The following LRP1B variants were observed in gnomAD, a reference collection of about 807,000 sequenced individuals.
The protein encoded by LRP1B is low-density lipoprotein receptor-related protein 1B.
Under a neutral mutation model 556.6 loss-of-function variants are expected in LRP1B, and 217 were observed. The observed-to-expected ratio is 0.39, with a 90% CI of 0.35 to 0.44. The LOEUF (loss-of-function observed/expected upper bound fraction) is 0.44, where lower values mean the gene tolerates loss of function less well. LRP1B is among the 20% of genes least tolerant of loss of function. The probability of loss-of-function intolerance (pLI) is 1.00; values close to 1 mark genes in which losing one functional copy is unlikely to be tolerated. For missense variants in LRP1B, 5,053 were observed against 5,620.8 expected (o/e 0.90, Z 3.23); for synonymous variants, 2,047 against 1,865.8 (o/e 1.10, Z -2.50).
intron 1 of LRP1B, among the ~76,000 whole-genome samples, chr2:141,921,496 C>G (rs778243128): frequency 1.3e-5 from 2 of 151,916 alleles, no homozygotes; most frequent in Non-Finnish European, 2.9e-5. Flanking sequence ...TATATATTCA[C>G]ATAATGAAAA....
At position 141,761,228 on chromosome 2, in the gene LRP1B, AT is replaced by A. The variant is rs963090408; in HGVS notation, c.205+49050del. 1.8e-3 allele frequency among the ~76,000 whole-genome samples: 278 copies of A among 151,942 alleles called. 1 individual carries two copies. The highest frequency in any genetic ancestry group is 5.9e-3 in the African/African-American group (243 of 41,480). On this transcript the variant is annotated intron_variant, in intron 2 of 90. Coordinates refer to ENST00000389484, the MANE Select transcript of LRP1B (RefSeq NM_018557.3). ...AATTTCTGGCACCTGAGTGAAAACTATTTTTTTTCCATTAAATCTGGTCAGT... is the reference window on the plus strand; with the variant it reads ...AATTTCTGGCACCTGAGTGAAAACTATTTTTTTCCATTAAATCTGGTCAGT...
At chr2:141,838,466 G>A in intron 1 of LRP1B, among the ~76,000 whole-genome samples, 1 of 152,098 alleles carries the variant, frequency 6.6e-6, no homozygotes, top group East Asian at 1.9e-4. Context: ...ACTGAACTAT[G>A]ATAACTAGGA....
chr2:141,863,922 C>G (rs1390681575), intron 1 of LRP1B, among the ~76,000 whole-genome samples: 1 of 152,028 alleles, frequency 6.6e-6, no homozygotes, highest in Non-Finnish European at 1.5e-5. Context: ...TCAAAATATT[C>G]TAACACAATA....
intron 1 of LRP1B, among the ~76,000 whole-genome samples, chr2:141,983,790 G>A (rs577518421): frequency 6.6e-6 from 1 of 152,302 alleles, no homozygotes; most frequent in South Asian, 2.1e-4. Context: ...GCTGGGCGTG[G>A]TGGCTCACGC....
In LRP1B at chr2:140,502,964, T is replaced by C. The variant is rs1465867790; in HGVS notation, c.8661A>G (p.Ala2887=). 1 of 1,612,870 alleles carries C rather than the reference T, an allele frequency of 6.2e-7. No individual in the cohort carries two copies. Among genetic ancestry groups the C allele is most frequent in the Non-Finnish European group, 8.5e-7 (1 of 1,179,050 alleles). Residue 2887 remains alanine (A), a splice_region_variant and synonymous_variant, in exon 54 of 91, where the codon GCA becomes GCG. Transcript: ENST00000389484. ...GCGGTATTGTATATATTTCTGTACC[T>C]GCACTTTTACACTTTGGGTTTAAAG... The part of the protein sequence containing the change: ...EAPLNPKCKS[A]EQSCNSSFFM...
intron 35 of LRP1B, among the ~76,000 whole-genome samples, chr2:140,726,310 T>C (rs1574286709): frequency 6.6e-6 from 1 of 152,268 alleles, no homozygotes; most frequent in Non-Finnish European, 1.5e-5. Context: ...GGGAAGTCTT[T>C]AACTTGCTTA....
intron 1 of LRP1B, among the ~76,000 whole-genome samples, chr2:142,062,449 T>C (rs1481964282): frequency 1.3e-5 from 2 of 151,770 alleles, no homozygotes. Context: ...ATCCCATTCA[T>C]TTCTAAAAAG....
intron 1 of LRP1B, among the ~76,000 whole-genome samples, chr2:142,052,169 T>C (rs1008466485): frequency 1.3e-5 from 2 of 151,766 alleles, no homozygotes; most frequent in Non-Finnish European, 2.9e-5. Context: ...CTCATGATTA[T>C]GGCAAGTTAA....
intron 25 of LRP1B, among the ~76,000 whole-genome samples, chr2:140,879,416 A>G (rs1346804792): frequency 1.3e-5 from 2 of 152,170 alleles, no homozygotes; most frequent in Non-Finnish European, 2.9e-5. Context: ...CAGTGTTAGT[A>G]TACTTCTATG....
At chr2:141,475,227 G>A (rs1163587522) in intron 3 of LRP1B, among the ~76,000 whole-genome samples, 1 of 152,014 alleles carries the variant, frequency 6.6e-6, no homozygotes, top group Admixed American at 6.5e-5. Context: ...ACAAAAATTA[G>A]CTGTTGGCAC....
At chr2:140,783,524 G>T (rs113733323) in intron 32 of LRP1B, among the ~76,000 whole-genome samples, 1 of 151,992 alleles carries the variant, frequency 6.6e-6, no homozygotes, top group East Asian at 1.9e-4. Flanking sequence ...AAGAATAGGA[G>T]AGAAGACCAT....
chr2:140,259,131 A>G (rs981881283), intron 86 of LRP1B, among the ~76,000 whole-genome samples: 1 of 152,062 alleles, frequency 6.6e-6, no homozygotes, highest in African/African-American at 2.4e-5. Flanking sequence ...AGCACCATTT[A>G]TCTTACACCA....
intron 41 of LRP1B, among the ~76,000 whole-genome samples, chr2:140,651,883 A>G (rs1684701727): frequency 6.6e-6 from 1 of 152,194 alleles, no homozygotes. Context: ...AACACTGGAA[A>G]ATAGATAACA....
At chr2:141,282,610 T>TTA (rs1326240209) in intron 3 of LRP1B, among the ~76,000 whole-genome samples, 1 of 151,944 alleles carries the variant, frequency 6.6e-6, no homozygotes, top group East Asian at 1.9e-4. Context: ...TGTGATGTAA[T>TTA]TATATATATG....
chr2:140,623,956 G>GTATATATATATATATATATA (rs3060390), intron 41 of LRP1B, among the ~76,000 whole-genome samples: 5,149 of 106,048 alleles, frequency 0.049, 401 homozygotes, highest in East Asian at 0.081. Flanking sequence ...TTTTATTTAT[G>GTATATATATATATATATATA]TATATATATA....
At chr2:141,413,808 G>A (rs999960620) in intron 3 of LRP1B, among the ~76,000 whole-genome samples, 1 of 151,922 alleles carries the variant, frequency 6.6e-6, no homozygotes, top group Non-Finnish European at 1.5e-5. Flanking sequence ...GCACAGGGAG[G>A]TTGAGGCTGC....
chr2:140,939,885 A>ATT (rs3063651), intron 20 of LRP1B, among the ~76,000 whole-genome samples: 38,264 of 132,588 alleles, frequency 0.29, 6,361 homozygotes, highest in East Asian at 0.41. Flanking sequence ...ATTTGGTGTA[A>ATT]TTTTTTTTTT....
At chr2:142,062,702 T>C (rs9941495) in intron 1 of LRP1B, among the ~76,000 whole-genome samples, 3 of 151,622 alleles carry the variant, frequency 2.0e-5, no homozygotes, top group Non-Finnish European at 3.0e-5. Context: ...ATTTATAAAA[T>C]CAGACAATCA....
chr2:141,603,498 T>C (rs914422875), intron 2 of LRP1B, among the ~76,000 whole-genome samples: 2 of 152,136 alleles, frequency 1.3e-5, no homozygotes, highest in African/African-American at 4.8e-5. Flanking sequence ...GGGATACAGA[T>C]AATAGGGAAT....
Sources: gnomAD v4.1 joint callset for allele counts (sites outside exome capture counted in the v4.1 genomes callset) on GRCh38, gnomAD v4.1.1 for gene constraint, MANE v1.5 for transcripts, NCBI Gene and HGNC (gene_info 2026-07-23, HGNC 2026-07-21) for gene names.